MRPL1: variants seen among roughly 807,000 people sequenced by gnomAD.
MRPL1 encodes large ribosomal subunit protein uL1m.
In MRPL1, 28 loss-of-function variants were observed where a neutral mutation model predicts 38.0. The observed-to-expected ratio is 0.74, with a 90% confidence interval of 0.55 to 1.01. The LOEUF is 1.01. MRPL1 is among the 50% of genes least tolerant of loss of function. The probability of loss-of-function intolerance (pLI) is 0.00; values close to 1 mark genes in which losing one functional copy is unlikely to be tolerated. For missense variants in MRPL1, 358 were observed against 389.8 expected, an observed-to-expected ratio of 0.92 and a Z score of 0.69; for synonymous variants, 123 against 126.7, an observed-to-expected ratio of 0.97 and a Z score of 0.20.
At chr4:77,868,777 G>A (rs1735212175) in intron 1 of MRPL1, among the ~76,000 whole-genome samples, 1 of 152,184 alleles carries the variant, frequency 6.6e-6, no homozygotes, top group Admixed American at 6.6e-5. Flanking sequence ...AAAGAACAGA[G>A]TCAAGTAACT....
At chr4:77,948,075 T>A (rs775150529) in intron 7 of MRPL1, among the ~76,000 whole-genome samples, 7 of 152,226 alleles carry the variant, frequency 4.6e-5, no homozygotes, top group Non-Finnish European at 1.0e-4. Context: ...CTGCAGAAAG[T>A]ATAGTTACAA....
chr4:77,883,287 T>C lies in MRPL1; in HGVS notation c.189T>C (p.Asp63=), dbSNP rs1490324376. ...AAGGTGCTAAAGAAAAAACACCAGA[T>C]GAGAAAAAAGATGAAATAGAAAAAA... ...TKKGAKEKTP[D]EKKDEIEKIK... is the part of the protein sequence containing the mutation. Residue 63 remains aspartate (D), a synonymous_variant, in exon 3 of 9, where the codon GAT becomes GAC. Transcript: ENST00000315567. 1 of 1,597,306 alleles carries C rather than the reference T, an allele frequency of 6.3e-7. No homozygotes were observed. The highest frequency in any genetic ancestry group is 8.5e-7 in the Non-Finnish European group (1 of 1,175,188).
chr4:77,868,296 C>T (rs1232616196), intron 1 of MRPL1, among the ~76,000 whole-genome samples: 3 of 152,042 alleles, frequency 2.0e-5, no homozygotes, highest in African/African-American at 7.2e-5. Context: ...GGCTGGAGTG[C>T]AGTGGCTCAA....
At chr4:77,945,283 G>A (rs1056129401) in intron 7 of MRPL1, among the ~76,000 whole-genome samples, 1 of 151,878 alleles carries the variant, frequency 6.6e-6, no homozygotes, top group African/African-American at 2.4e-5. Flanking sequence ...TTCAAAAGCT[G>A]TCTGCCAGGC....
chr4:77,913,311 A>C (rs1432005026), intron 7 of MRPL1, among the ~76,000 whole-genome samples: 1 of 152,190 alleles, frequency 6.6e-6, no homozygotes, highest in Non-Finnish European at 1.5e-5. Flanking sequence ...TCAAAAACTC[A>C]ATAATAAAAC....
intron 7 of MRPL1, among the ~76,000 whole-genome samples, chr4:77,911,562 G>C (rs1736288882): frequency 6.6e-6 from 1 of 152,030 alleles, no homozygotes; most frequent in African/African-American, 2.4e-5. Context: ...GTTCCAGCTA[G>C]AAAGAGCTGT....
At chr4:77,905,107 C>T (rs528770631) in intron 6 of MRPL1, among the ~76,000 whole-genome samples, 16 of 152,102 alleles carry the variant, frequency 1.1e-4, no homozygotes, top group Non-Finnish European at 2.1e-4. Flanking sequence ...TGAACAAGAA[C>T]CTGTATCCAT....
intron 5 of MRPL1, among the ~76,000 whole-genome samples, chr4:77,890,354 T>C (rs926938018): frequency 8.5e-5 from 13 of 152,262 alleles, no homozygotes; most frequent in African/African-American, 3.1e-4. Flanking sequence ...ATAAATGTAA[T>C]CCATCATATA....
rs751573862 is a variant in MRPL1 at position 77,887,340 on chromosome 4, CTT to C, written c.558+51_558+52del. 104 of 1,381,888 alleles carry C rather than the reference CTT, an allele frequency of 7.5e-5. No individual in the cohort carries two copies. The African/African-American group carries it at 1.4e-3, about 18-fold the overall frequency. The allele number at this position is 1,381,888 out of a possible 1,614,324, so 85.6% of individuals were successfully genotyped here. The stretch of plus-strand genomic sequence containing the variant: ...TTAAGTATAGAGATGATTCTGTTAT[CTT>C]TACCATTCATTGATCTGTTATATGT... On this transcript the variant is annotated intron_variant, in intron 5 of 8. Coordinates refer to ENST00000315567, the MANE Select transcript of MRPL1 (RefSeq NM_020236.4).
At chr4:77,946,606 GGA>G in intron 7 of MRPL1, among the ~76,000 whole-genome samples, 1 of 152,194 alleles carries the variant, frequency 6.6e-6, no homozygotes, top group East Asian at 1.9e-4. Context: ...ATTAATTTTG[GGA>G]ACTGATATAT....
At chr4:77,918,799 C>A (rs1463932061) in intron 7 of MRPL1, among the ~76,000 whole-genome samples, 1 of 151,896 alleles carries the variant, frequency 6.6e-6, no homozygotes, top group Non-Finnish European at 1.5e-5. Context: ...TAGAAGAGTG[C>A]CTGACATATA....
At chr4:77,932,013 C>T (rs1011612830) in intron 7 of MRPL1, among the ~76,000 whole-genome samples, 2 of 152,158 alleles carry the variant, frequency 1.3e-5, no homozygotes, top group East Asian at 1.9e-4. Context: ...TTTTGAGTTA[C>T]AAGAGCTGCT....
At chr4:77,867,233 T>G (rs1735167129) in intron 1 of MRPL1, among the ~76,000 whole-genome samples, 1 of 152,258 alleles carries the variant, frequency 6.6e-6, no homozygotes, top group East Asian at 1.9e-4. Context: ...TTCACTGATG[T>G]ACCTAAATGC....
chr4:77,924,016 A>G (rs932981162), intron 7 of MRPL1, among the ~76,000 whole-genome samples: 2 of 150,468 alleles, frequency 1.3e-5, no homozygotes, highest in African/African-American at 4.9e-5. Flanking sequence ...AAAAAAAAAT[A>G]GTTTAATGAT....
Position 77,938,235 on chromosome 4 carries a change from G to T in MRPL1, c.778-11562G>T, listed in dbSNP as rs1020546357. 3.9e-5 allele frequency among the ~76,000 whole-genome samples: 6 copies of T among 152,304 alleles called. No individual in the cohort carries two copies. In the South Asian group the frequency reaches 6.2e-4, roughly 16 times the overall value. ...CAGAAATGGAAGAATTGTGACAGAG[G>T]CCATTTGGCCTGCAAAGCCTAAAAT... is the stretch of plus-strand genomic sequence containing the variant. On this transcript the variant is annotated intron_variant, in intron 7 of 8. Transcript: ENST00000315567.
intron 7 of MRPL1, among the ~76,000 whole-genome samples, chr4:77,940,991 C>T (rs1431410295): frequency 4.6e-5 from 7 of 152,048 alleles, no homozygotes; most frequent in Non-Finnish European, 8.8e-5. Flanking sequence ...TGCAGTGGCT[C>T]AATCCTAGCG....
chr4:77,898,193 C>G (rs1195392870), intron 6 of MRPL1, among the ~76,000 whole-genome samples: 1 of 152,082 alleles, frequency 6.6e-6, no homozygotes, highest in African/African-American at 2.4e-5. Flanking sequence ...CTACCACTTC[C>G]TATTATCACT....
At chr4:77,892,054 G>A (rs1439189770) in intron 5 of MRPL1, among the ~76,000 whole-genome samples, 1 of 151,782 alleles carries the variant, frequency 6.6e-6, no homozygotes, top group Non-Finnish European at 1.5e-5. Context: ...ATACATTCCT[G>A]TGTTTTTAAA....
chr4:77,947,057 T>C (rs1008456182), intron 7 of MRPL1, among the ~76,000 whole-genome samples: 2 of 150,504 alleles, frequency 1.3e-5, no homozygotes, highest in African/African-American at 4.9e-5. Context: ...AGTTTTCTCA[T>C]AATGATAAGA....
Sources: gnomAD v4.1 joint callset for allele counts (sites outside exome capture counted in the v4.1 genomes callset) on GRCh38, gnomAD v4.1.1 for gene constraint, MANE v1.5 for transcripts, NCBI Gene and HGNC (gene_info 2026-07-23, HGNC 2026-07-21) for gene names.